Variants in NFATC2 observed in about 807,000 individuals in gnomAD.
The protein encoded by NFATC2 is nuclear factor of activated T-cells, cytoplasmic 2.
Under a neutral mutation model 87.3 loss-of-function variants are expected in NFATC2, and 22 were observed. The ratio of observed to expected loss-of-function variants is 0.25; its 90% CI spans 0.18 to 0.36. The LOEUF is 0.36. Ranked by LOEUF, NFATC2 falls within the 10% of genes least tolerant of loss-of-function variation. NFATC2 has a pLI of 1.00. For missense variants in NFATC2, 1,149 were observed against 1,259.1 expected (o/e 0.91, Z 1.32); for synonymous variants, 565 against 542.2 (o/e 1.04, Z -0.58).
At position 51,443,888 on chromosome 20, in the gene NFATC2, G is replaced by A. The variant is rs368548320; in HGVS notation, c.1850-8127C>T. 2.0e-4 allele frequency among the ~76,000 whole-genome samples: 30 copies of A among 152,024 alleles called. No homozygotes were observed. In the East Asian group the frequency reaches 3.7e-3, roughly 19 times the overall value. Reference sequence around the variant, plus strand: ...CCAACCACTTTGGGCAAAAGGGTTAGGTCTAGAGAAGACTTAGCACAACTC... The same window carrying A: ...CCAACCACTTTGGGCAAAAGGGTTAAGTCTAGAGAAGACTTAGCACAACTC... On this transcript the variant is annotated intron_variant, in intron 6 of 10. Transcript: ENST00000371564.
intron 9 of NFATC2, among the ~76,000 whole-genome samples, chr20:51,404,868 C>T (rs551378159): frequency 6.6e-6 from 1 of 152,296 alleles, no homozygotes; most frequent in East Asian, 1.9e-4. Context: ...CCAGAGGCCT[C>T]CGGAAACCAG....
At chr20:51,402,581 G>A (rs1988162851) in intron 9 of NFATC2, among the ~76,000 whole-genome samples, 1 of 152,098 alleles carries the variant, frequency 6.6e-6, no homozygotes, top group Non-Finnish European at 1.5e-5. Flanking sequence ...GATCACAAAT[G>A]AGATAATAAA....
chr20:51,477,561 ATATATATATATATAT>A (rs1988841340), intron 3 of NFATC2, among the ~76,000 whole-genome samples: 2 of 124,022 alleles, frequency 1.6e-5, no homozygotes, highest in Admixed American at 8.1e-5. Context: ...ATATATATAT[ATATATATATATATAT>A]ATATAAAATA....
intron 1 of NFATC2, among the ~76,000 whole-genome samples, chr20:51,529,859 T>C (rs2146752312): frequency 6.6e-6 from 1 of 152,170 alleles, no homozygotes; most frequent in East Asian, 1.9e-4. Flanking sequence ...AAATAAAACT[T>C]ACTAAATTCA....
chr20:51,395,953 G>T (rs1396527702), intron 10 of NFATC2, among the ~76,000 whole-genome samples: 1 of 150,534 alleles, frequency 6.6e-6, no homozygotes, highest in African/African-American at 2.4e-5. Context: ...AATGGGCACA[G>T]ATGTGTTCCA....
At chr20:51,423,900 A>T (rs2146310165) in intron 9 of NFATC2, among the ~76,000 whole-genome samples, 1 of 152,348 alleles carries the variant, frequency 6.6e-6, no homozygotes, top group Non-Finnish European at 1.5e-5. Flanking sequence ...CTTGCTTTGC[A>T]GAATTTCAAA....
upstream of NFATC2, chr20:51,562,787 G>T (rs2077043876): frequency 1.1e-5 from 7 of 610,702 alleles, no homozygotes; most frequent in South Asian, 1.4e-4. The surrounding 1 kb of genome is among the most constrained non-coding windows in gnomAD (Gnocchi z 5.8). Context: ...CCCGGCTCCC[G>T]GCTCGGCGGA....
In NFATC2 at chr20:51,387,081, A is replaced by G. The variant is rs934486527; in HGVS notation, c.*4415T>C. ...TTAAAAACATTTGCATAGGAATGTG[A>G]TGTATTCAAACGCCTTTAACAGTCA... On this transcript the variant is annotated 3_prime_UTR_variant, in exon 11 of 11. Coordinates refer to ENST00000371564, the MANE Select transcript of NFATC2 (RefSeq NM_012340.5). 1.3e-5 allele frequency: 2 copies of G among 152,240 alleles called. No homozygotes were observed. The highest frequency in any genetic ancestry group is 2.9e-5 in the Non-Finnish European group (2 of 68,042). The allele number at this position is 152,240 out of a possible 1,614,324, so 9.4% of individuals were successfully genotyped here. A position where few individuals can be genotyped will look rare whatever the true frequency, so the allele number is the denominator to read the frequency against.
chr20:51,455,973 T>G, intron 5 of NFATC2, among the ~76,000 whole-genome samples: 1 of 72,926 alleles, frequency 1.4e-5, no homozygotes, highest in African/African-American at 5.7e-5. Context: ...GGTGGGTGGG[T>G]GGATGTGTGG....
intron 9 of NFATC2, among the ~76,000 whole-genome samples, chr20:51,426,490 A>G (rs1568958925): frequency 1.5e-4 from 4 of 25,976 alleles, no homozygotes; most frequent in South Asian, 3.3e-3. Context: ...AAAAAAAAAA[A>G]TCATAAACAA....
At chr20:51,449,404 T>A (rs1297051699) in intron 6 of NFATC2, among the ~76,000 whole-genome samples, 2 of 152,108 alleles carry the variant, frequency 1.3e-5, no homozygotes, top group African/African-American at 4.8e-5. Context: ...GCCCACCGTG[T>A]CCCTAACACC....
chr20:51,521,568 A>G (rs1016030061), intron 2 of NFATC2, among the ~76,000 whole-genome samples: 2 of 152,052 alleles, frequency 1.3e-5, no homozygotes, highest in Non-Finnish European at 2.9e-5. Context: ...TGATTCGCCC[A>G]CCTCGGCCTC....
At chr20:51,551,917 C>T (rs543229799) in intron 1 of NFATC2, among the ~76,000 whole-genome samples, 1 of 152,026 alleles carries the variant, frequency 6.6e-6, no homozygotes, top group Admixed American at 6.5e-5. Context: ...GTCCCAGCTA[C>T]TCGGGAGGCT....
In NFATC2 at chr20:51,388,979, A is replaced by T. The variant is rs1986053551; in HGVS notation, c.*2517T>A. ...TTCCTCCTAGCATTTGTAACTGACA[A>T]AACTTCCTTGATAGCTGTCAGTTCC... is the stretch of plus-strand genomic sequence containing the variant. On this transcript the variant is annotated 3_prime_UTR_variant, in exon 11 of 11. Coordinates refer to ENST00000371564, the MANE Select transcript of NFATC2 (RefSeq NM_012340.5). 6.6e-6 allele frequency: 1 copy of T among 152,230 alleles called. No homozygotes were observed. The highest frequency in any genetic ancestry group is 2.1e-4 in the South Asian group (1 of 4,826). The allele number at this position is 152,230 out of a possible 1,614,324, so 9.4% of individuals were successfully genotyped here.
chr20:51,442,512 G>A (rs1211398706), intron 6 of NFATC2, among the ~76,000 whole-genome samples: 2 of 152,072 alleles, frequency 1.3e-5, no homozygotes, highest in Non-Finnish European at 1.5e-5. Context: ...GCATGATGCC[G>A]CTTTGTAAGT....
At chr20:51,447,916 A>G (rs558468729) in intron 6 of NFATC2, among the ~76,000 whole-genome samples, 26 of 152,336 alleles carry the variant, frequency 1.7e-4, no homozygotes, top group African/African-American at 6.3e-4. Context: ...TTGTGGGCTG[A>G]CCTGGGGTGC....
rs976216665 is a variant in NFATC2, at chr20:51,519,638, G to A, written c.1161-2683C>T. Among the ~76,000 whole-genome samples the A allele has an allele frequency of 3.3e-5, 5 of 149,660 alleles. No homozygotes were observed. In the East Asian group the frequency reaches 5.9e-4, roughly 18 times the overall value. ...ACTCCATCTCAACACAAAAAAGACC[G>A]GGTGCGGTGGCTCACACCTGTAATC... On this transcript the variant is annotated intron_variant, in intron 2 of 10. Transcript: ENST00000371564.
chr20:51,552,331 C>T lies in NFATC2; in HGVS notation c.70+10229G>A, dbSNP rs188208200. Among the ~76,000 whole-genome samples, 71 of 151,346 alleles carry T rather than the reference C, an allele frequency of 4.7e-4. No homozygotes were observed. The East Asian group carries it at 0.013, about 27-fold the overall frequency. ...GTGTCTGTGTGTGTATATATATATA[C>T]ATATAGTTCATCCTGATTACTGAAT... On this transcript the variant is annotated intron_variant, in intron 1 of 10. Coordinates refer to the NFATC2 transcript ENST00000414705.
At chr20:51,394,629 G>A (rs1021176526) in intron 10 of NFATC2, among the ~76,000 whole-genome samples, 2 of 149,358 alleles carry the variant, frequency 1.3e-5, no homozygotes, top group East Asian at 3.9e-4. Flanking sequence ...CTTGGTGCAT[G>A]GGAAGTACTC....
Sources: gnomAD v4.1 joint callset for allele counts (sites outside exome capture counted in the v4.1 genomes callset) on GRCh38, gnomAD v4.1.1 for gene constraint, Gnocchi (gnomAD v3.1) non-coding constraint, MANE v1.5 for transcripts, NCBI Gene and HGNC (gene_info 2026-07-23, HGNC 2026-07-21) for gene names.